Variants in STARD13 observed in about 807,000 individuals in gnomAD.
The protein encoded by STARD13 is stAR-related lipid transfer protein 13.
Under a neutral mutation model 106.4 loss-of-function variants are expected in STARD13, and 62 were observed. That is an observed-to-expected ratio of 0.58 (90% CI 0.48 to 0.72). STARD13 has a LOEUF of 0.72. Ranked by LOEUF, STARD13 falls within the 30% of genes least tolerant of loss-of-function variation. The probability of loss-of-function intolerance (pLI) is 0.00; values close to 1 mark genes in which losing one functional copy is unlikely to be tolerated. For missense variants in STARD13, 1,387 were observed against 1,424.0 expected (o/e 0.97, Z 0.42); for synonymous variants, 565 against 553.0 (o/e 1.02, Z -0.31).
chr13:33,203,473 A>G (rs1283843886), intron 1 of STARD13, among the ~76,000 whole-genome samples: 1 of 152,226 alleles, frequency 6.6e-6, no homozygotes, highest in Non-Finnish European at 1.5e-5. Flanking sequence ...ATGTATCTAT[A>G]AAATGTGAGA....
the STARD13 span, among the ~76,000 whole-genome samples, chr13:33,624,411 T>C: frequency 1.3e-5 from 2 of 152,250 alleles, no homozygotes; most frequent in African/African-American, 2.4e-5. Context: ...TCTGTGCTTT[T>C]CAGTGCTTGA....
intron 1 of STARD13, among the ~76,000 whole-genome samples, chr13:33,189,412 T>A: frequency 1.7e-5 from 1 of 58,322 alleles, no homozygotes; most frequent in Non-Finnish European, 3.7e-5. Context: ...CCTTTCCTCC[T>A]GCTTTCCCTC....
Position 33,214,745 on chromosome 13 carries a change from G to A in STARD13, c.170-47123C>T, listed in dbSNP as rs535237194. ...ACACACACACACACACACATCCCCT[G>A]CAATGGTAGCTAAAACCAAATATTC... On this transcript the variant is annotated intron_variant, in intron 1 of 13. Transcript: ENST00000336934. Among the ~76,000 whole-genome samples the A allele has an allele frequency of 4.1e-4, 60 of 146,900 alleles. No individual in the cohort carries two copies. In the South Asian group the frequency reaches 8.6e-3, roughly 21 times the overall value.
the STARD13 span, among the ~76,000 whole-genome samples, chr13:33,379,658 A>G: frequency 6.6e-6 from 1 of 152,238 alleles, no homozygotes; most frequent in South Asian, 2.1e-4. Context: ...TTTAATCTTC[A>G]CAACAGGCCC....
chr13:33,629,510 C>G, the STARD13 span, among the ~76,000 whole-genome samples: 2,171 of 152,208 alleles, frequency 0.014, 45 homozygotes, highest in African/African-American at 0.05. Context: ...CATAAATATT[C>G]AAATGATTCA....
At chr13:33,591,431 A>G in the STARD13 span, among the ~76,000 whole-genome samples, 13 of 152,344 alleles carry the variant, frequency 8.5e-5, no homozygotes, top group Admixed American at 2.0e-4. Flanking sequence ...ATCCCCTGCC[A>G]TAATATAAGT....
In STARD13 at chr13:33,127,501, C is replaced by T. The variant is rs1483495170; in HGVS notation, c.1794G>A (p.Pro598=). 1.7e-5 allele frequency: 27 copies of T among 1,582,994 alleles called. No individual in the cohort carries two copies. The highest frequency in any genetic ancestry group is 5.3e-5 in the Admixed American group (3 of 56,474). ...TGCTGATGTGGGGCGATGCTGGGGCCGGCCGGGGCTGGTGCGACAGCTGGA... is the reference window on the plus strand; with the variant it reads ...TGCTGATGTGGGGCGATGCTGGGGCTGGCCGGGGCTGGTGCGACAGCTGGA... ...NSFQLSHQPR[P]APASPHISSQ... Residue 598 remains proline (P), a synonymous_variant, in exon 6 of 14, where the codon CCG becomes CCA. Transcript: ENST00000336934.
At chr13:33,305,248 A>T (rs1246328868) in intron 1 of STARD13, among the ~76,000 whole-genome samples, 4 of 152,148 alleles carry the variant, frequency 2.6e-5, no homozygotes, top group African/African-American at 9.7e-5. Flanking sequence ...TCATTCCTTC[A>T]CCATACATTT....
chr13:33,274,839 T>C (rs1891339775), intron 1 of STARD13, among the ~76,000 whole-genome samples: 1 of 152,140 alleles, frequency 6.6e-6, no homozygotes, highest in African/African-American at 2.4e-5. Context: ...ATGTCCCATC[T>C]ATTACCAGTT....
intron 1 of STARD13, among the ~76,000 whole-genome samples, chr13:33,254,420 A>G (rs899672254): frequency 6.6e-6 from 1 of 152,102 alleles, no homozygotes; most frequent in African/African-American, 2.4e-5. Flanking sequence ...AGGCCTCTCA[A>G]TCCCTTCATA....
intron 4 of STARD13, among the ~76,000 whole-genome samples, chr13:33,141,332 C>T (rs958851658): frequency 2.0e-5 from 3 of 152,178 alleles, no homozygotes; most frequent in Non-Finnish European, 4.4e-5. Context: ...TCAAGATTTA[C>T]CTTCCTTATA....
chr13:33,622,544 C>G, the STARD13 span, among the ~76,000 whole-genome samples: 2 of 134,438 alleles, frequency 1.5e-5, no homozygotes, highest in South Asian at 2.3e-4. Context: ...GAGGCAGACG[C>G]AGGAGAATGG....
the STARD13 span, among the ~76,000 whole-genome samples, chr13:33,589,019 T>C: frequency 6.6e-6 from 1 of 152,204 alleles, no homozygotes; most frequent in South Asian, 2.1e-4. Context: ...CTTACTATTC[T>C]CTAAACTAAA....
intron 1 of STARD13, among the ~76,000 whole-genome samples, chr13:33,227,463 C>T (rs7993884): frequency 0.13 from 19,227 of 152,090 alleles, 1,923 homozygotes; most frequent in African/African-American, 0.28. Context: ...GAAGCTAGTC[C>T]AATTCTTAGG....
chr13:33,369,419 A>G, the STARD13 span, among the ~76,000 whole-genome samples: 2 of 152,134 alleles, frequency 1.3e-5, no homozygotes, highest in Non-Finnish European at 2.9e-5. Context: ...TCTTTATTCC[A>G]TTTCAGTGCA....
At chr13:33,638,897 G>T in the STARD13 span, among the ~76,000 whole-genome samples, 6 of 151,918 alleles carry the variant, frequency 3.9e-5, no homozygotes, top group African/African-American at 1.5e-4. Context: ...CAAACTTGTG[G>T]TTATGTTTTA....
At chr13:33,145,979 G>A (rs1425492978) in intron 3 of STARD13, among the ~76,000 whole-genome samples, 3 of 152,126 alleles carry the variant, frequency 2.0e-5, no homozygotes, top group Non-Finnish European at 4.4e-5. Context: ...GAGCCCAGGA[G>A]TTTGAGACCA....
chr13:33,653,074 T>G, the STARD13 span, among the ~76,000 whole-genome samples: 3 of 152,122 alleles, frequency 2.0e-5, no homozygotes, highest in Non-Finnish European at 4.4e-5. Context: ...ATTGAACAAC[T>G]TAATATTGTT....
chr13:33,291,484 G>A (rs1251710708), intron 1 of STARD13, among the ~76,000 whole-genome samples: 1 of 152,202 alleles, frequency 6.6e-6, no homozygotes, highest in East Asian at 1.9e-4. Flanking sequence ...ATGGTACACT[G>A]TGTGCATATT....
Sources: gnomAD v4.1 joint callset for allele counts (sites outside exome capture counted in the v4.1 genomes callset) on GRCh38, gnomAD v4.1.1 for gene constraint, MANE v1.5 for transcripts, NCBI Gene and HGNC (gene_info 2026-07-23, HGNC 2026-07-21) for gene names.